LACTB: variants seen among roughly 807,000 people sequenced by gnomAD.
The protein encoded by LACTB is lactamase beta.
A neutral mutation model predicts 50.2 loss-of-function variants in LACTB; 35 were observed. That is an observed-to-expected ratio of 0.70 (90% CI 0.53 to 0.92). The LOEUF (loss-of-function observed/expected upper bound fraction) is 0.92, where lower values mean the gene tolerates loss of function less well. LACTB is among the 40% of genes least tolerant of loss of function. The pLI, the probability that LACTB is intolerant of heterozygous loss-of-function variation, is 0.00. For synonymous variants in LACTB, 252 were observed against 268.2 expected (o/e 0.94, Z 0.59); for missense variants, 664 against 691.8 (o/e 0.96, Z 0.45).
At chr15:63,131,410 T>C (rs1002633385) in intron 5 of LACTB, 2 of 152,244 alleles carry the variant, frequency 1.3e-5, no homozygotes, top group African/African-American at 4.8e-5. Flanking sequence ...ATATGTTGCT[T>C]TTAAAATAGT....
Position 63,129,717 on chromosome 15 carries a change from C to A in LACTB, c.1118+67C>A. The A allele has an allele frequency of 2.2e-6, 3 of 1,360,452 alleles. No homozygotes were observed. The South Asian group carries it at 6.7e-5, about 31-fold the overall frequency. 84.3% of individuals were successfully genotyped at this position (1,360,452 alleles called of 1,614,324 possible). A position where few individuals can be genotyped will look rare whatever the true frequency, so the allele number is the denominator to read the frequency against. On this transcript the variant is annotated intron_variant, in intron 5 of 5. Coordinates refer to ENST00000261893, the MANE Select transcript of LACTB (RefSeq NM_032857.5). ...TAACACTATTTTATTAATTAAAAGT[C>A]AAATTTTCTTTGTTTCCATTCCAAA... is the stretch of plus-strand genomic sequence containing the variant.
intron 2 of LACTB, among the ~76,000 whole-genome samples, chr15:63,125,663 G>C (rs555214842): frequency 4.0e-5 from 6 of 151,496 alleles, no homozygotes; most frequent in Non-Finnish European, 8.8e-5. Context: ...TCAGATCTCT[G>C]TTCTCTTTTT....
intron 5 of LACTB, among the ~76,000 whole-genome samples, chr15:63,136,468 AAGGGT>A (rs1278274291): frequency 5.3e-5 from 8 of 151,932 alleles, no homozygotes; most frequent in Non-Finnish European, 1.0e-4. Context: ...GATGGTTCTA[AAGGGT>A]AGTTGATTCA....
chr15:63,137,329 C>T (rs1374899099), intron 5 of LACTB, among the ~76,000 whole-genome samples: 1 of 152,116 alleles, frequency 6.6e-6, no homozygotes, highest in African/African-American at 2.4e-5. Flanking sequence ...GTCAATGCCT[C>T]GGCTTATTAT....
rs1483294303 is a variant in LACTB, at chr15:63,141,755, A to T, written c.1594A>T (p.Ser532Cys). Residue 532 changes from serine to cysteine, a missense_variant, in exon 6 of 6, where the codon AGC (serine) becomes TGC (cysteine). Coordinates refer to ENST00000261893, the MANE Select transcript of LACTB (RefSeq NM_032857.5). Reference sequence around the variant, plus strand: ...TAACATGCAATCTGTTGGCCTCAATAGCACCGCTTTGAAGATTGCCCTTGA... The same window carrying T: ...TAACATGCAATCTGTTGGCCTCAATTGCACCGCTTTGAAGATTGCCCTTGA... The part of the protein sequence containing the change: ...ICNMQSVGLN[S>C]TALKIALEFD... The T allele has an allele frequency of 6.2e-7, 1 of 1,614,120 alleles. No individual in the cohort carries two copies. Among genetic ancestry groups the T allele is most frequent in the Admixed American group, 1.7e-5 (1 of 60,028 alleles).
rs764331692 is a variant in LACTB, at chr15:63,129,606, G to A, written c.1074G>A (p.Thr358=). Reference sequence around the variant, plus strand: ...TATTCCATGACTTGGATATGCTGACGACTGTGCAGGAAGAAAACGAGCCAG... The same window carrying A: ...TATTCCATGACTTGGATATGCTGACAACTGTGCAGGAAGAAAACGAGCCAG... ...QKIFHDLDML[T]TVQEENEPVI... Residue 358 remains threonine (T), a synonymous_variant, in exon 5 of 6, where the codon ACG becomes ACA. Transcript: ENST00000261893. The A allele has an allele frequency of 6.8e-6, 11 of 1,611,888 alleles. No individual in the cohort carries two copies. The highest frequency in any genetic ancestry group is 4.5e-5 in the East Asian group (2 of 44,782).
chr15:63,130,748 G>A (rs1289771289), intron 5 of LACTB: 1 of 152,138 alleles, frequency 6.6e-6, no homozygotes, highest in Non-Finnish European at 1.5e-5. Flanking sequence ...ATTGCTGATG[G>A]TATTTTAATC....
chr15:63,129,788 C>T (rs1369365028), intron 5 of LACTB, 138 bp downstream of exon 5: 2 of 1,196,848 alleles, frequency 1.7e-6, no homozygotes, highest in Non-Finnish European at 2.2e-6. Flanking sequence ...TCTGTTTTCT[C>T]ATCTGTAAAG....
chr15:63,122,447 C>T, intron 1 of LACTB, 189 bp from the exon 2 acceptor site: 1 of 691,148 alleles, frequency 1.4e-6, no homozygotes, highest in Non-Finnish European at 2.5e-6. Context: ...CCGCCCCTTC[C>T]CCCTAGGGGG....
At position 63,124,691 on chromosome 15, in the gene LACTB, G is replaced by A. The variant is rs188683251; in HGVS notation, c.424+1989G>A. On this transcript the variant is annotated intron_variant, in intron 2 of 5. Coordinates refer to ENST00000261893, the MANE Select transcript of LACTB (RefSeq NM_032857.5). ...TTTCAGGCCAGGTGCAGTGGCTCAC[G>A]CCTGTAATCCTAGCACTTTGAGAGG... Among the ~76,000 whole-genome samples the A allele has an allele frequency of 1.6e-4, 24 of 152,194 alleles. No individual in the cohort carries two copies. In the East Asian group the frequency reaches 4.2e-3, roughly 27 times the overall value.
chr15:63,124,638 C>T (rs2037024303), intron 2 of LACTB, among the ~76,000 whole-genome samples: 3 of 152,054 alleles, frequency 2.0e-5, no homozygotes, highest in Non-Finnish European at 4.4e-5. Flanking sequence ...TCCTAGGTTT[C>T]TAGGAGTCCC....
intron 5 of LACTB, among the ~76,000 whole-genome samples, chr15:63,140,775 C>G (rs1351844450): frequency 6.6e-6 from 1 of 152,088 alleles, no homozygotes. Context: ...GCTGCTGCAC[C>G]CAGCTTATAT....
intron 5 of LACTB, chr15:63,130,705 A>G (rs1222164747): frequency 6.6e-6 from 1 of 152,160 alleles, no homozygotes; most frequent in Admixed American, 6.5e-5. Context: ...TGTCATATCT[A>G]TCAGAAGTCA....
At chr15:63,122,328 C>T in intron 1 of LACTB, 100 bp downstream of exon 1, 1 of 1,009,948 alleles carries the variant, frequency 9.9e-7, no homozygotes, top group Non-Finnish European at 1.4e-6. Context: ...GGCGGGGTGC[C>T]CGCGATCGGC....
chr15:63,142,038 GAAATA>G lies in LACTB; in HGVS notation c.*239_*243del, dbSNP rs2037234345. 1.0e-5 allele frequency: 4 copies of G among 397,574 alleles called. No homozygotes were observed. The highest frequency in any genetic ancestry group is 1.8e-5 in the Non-Finnish European group (4 of 219,612). The allele number at this position is 397,574 out of a possible 1,614,324, so 24.6% of individuals were successfully genotyped here. On this transcript the variant is annotated 3_prime_UTR_variant, in exon 6 of 6. Transcript: ENST00000261893. ...CTTTTTGAAAAAAGTGTTAACTCTT[GAAATA>G]AAATATTCTGATAAAATATGTACTT...
In LACTB at chr15:63,129,620, A is replaced by C; in HGVS notation, c.1088A>C (p.Glu363Ala). The C allele has an allele frequency of 6.2e-7, 1 of 1,609,170 alleles. No homozygotes were observed. The highest frequency in any genetic ancestry group is 1.1e-5 in the South Asian group (1 of 89,984). Reference sequence around the variant, plus strand: ...GATATGCTGACGACTGTGCAGGAAGAAAACGAGCCAGTGATTTACAATAGA... The same window carrying C: ...GATATGCTGACGACTGTGCAGGAAGCAAACGAGCCAGTGATTTACAATAGA... ...DLDMLTTVQE[E>A]NEPVIYNRAR... The change falls in exon 5 of 6, where the codon GAA becomes GCA. Residue 363 changes from glutamate (E) to alanine (A), a missense_variant. Glu to Ala is a moderately radical substitution (Grantham distance 107). Transcript: ENST00000261893.
chr15:63,129,454 A>G, intron 4 of LACTB, 31 bp from the exon 5 acceptor site: 1 of 1,486,968 alleles, frequency 6.7e-7, no homozygotes, highest in Non-Finnish European at 9.0e-7. Context: ...CAAGTATTTT[A>G]TTTTTTTCCT....
Position 63,129,580 on chromosome 15 carries a change from A to G in LACTB, c.1048A>G (p.Ile350Val). ...GCKYLDYMQK[I>V]FHDLDMLTTV... The stretch of plus-strand genomic sequence containing the variant: ...TAAATATTTGGACTATATGCAGAAA[A>G]TATTCCATGACTTGGATATGCTGAC... The change falls in exon 5 of 6, where the codon ATA becomes GTA. Residue 350 changes from isoleucine to valine, a missense_variant. By Grantham distance (29) the Ile-to-Val change is conservative. Coordinates refer to ENST00000261893, the MANE Select transcript of LACTB (RefSeq NM_032857.5). The G allele has an allele frequency of 6.2e-7, 1 of 1,613,560 alleles. No individual in the cohort carries two copies. Among genetic ancestry groups the G allele is most frequent in the Non-Finnish European group, 8.5e-7 (1 of 1,179,782 alleles).
chr15:63,131,759 A>G (rs1378114890), intron 5 of LACTB, among the ~76,000 whole-genome samples: 3 of 152,170 alleles, frequency 2.0e-5, no homozygotes, highest in Non-Finnish European at 4.4e-5. Flanking sequence ...AGCTAGGGCA[A>G]CATAGTGAGA....
Sources: allele counts gnomAD v4.1 joint callset (sites outside exome capture counted in the v4.1 genomes callset), GRCh38; gene constraint gnomAD v4.1.1; transcripts MANE v1.5; gene names NCBI Gene and HGNC (gene_info 2026-07-23, HGNC 2026-07-21).